The following PLXDC2 variants were observed in gnomAD, a reference collection of about 807,000 sequenced individuals.
PLXDC2 encodes the protein plexin domain containing 2, also known as plexin domain-containing protein 2.
In PLXDC2, 40 loss-of-function variants were observed where a neutral mutation model predicts 68.9. The observed-to-expected ratio is 0.58, with a 90% CI of 0.45 to 0.76. PLXDC2 has a LOEUF of 0.76. PLXDC2 is among the 30% of genes least tolerant of loss of function. The pLI, the probability that PLXDC2 is intolerant of heterozygous loss-of-function variation, is 0.00. For missense variants in PLXDC2, 644 were observed against 661.9 expected, an observed-to-expected ratio of 0.97 and a Z score of 0.30; for synonymous variants, 243 against 234.2, an observed-to-expected ratio of 1.04 and a Z score of -0.34.
intron 1 of PLXDC2, among the ~76,000 whole-genome samples, chr10:19,877,886 T>A (rs979624260): frequency 6.6e-6 from 1 of 152,226 alleles, no homozygotes; most frequent in African/African-American, 2.4e-5. Flanking sequence ...GGGTTTTGCA[T>A]CAATGGAGTA....
At chr10:20,191,367 T>G (rs1834762388) in intron 9 of PLXDC2, among the ~76,000 whole-genome samples, 1 of 151,876 alleles carries the variant, frequency 6.6e-6, no homozygotes, top group South Asian at 2.1e-4. Context: ...GGAAGAACTA[T>G]TCTTATTCTC....
chr10:19,847,729 G>A (rs537765100), intron 1 of PLXDC2, among the ~76,000 whole-genome samples: 1 of 152,268 alleles, frequency 6.6e-6, no homozygotes, highest in African/African-American at 2.4e-5. Flanking sequence ...TCTAAATGGT[G>A]TTGTGGACTA....
At chr10:20,096,152 A>G (rs893861262) in intron 4 of PLXDC2, among the ~76,000 whole-genome samples, 4 of 152,196 alleles carry the variant, frequency 2.6e-5, no homozygotes, top group African/African-American at 7.2e-5. Context: ...AAAGGAGGGC[A>G]CGGTGTGACC....
chr10:20,053,180 A>G (rs1159034916), intron 3 of PLXDC2, among the ~76,000 whole-genome samples: 1 of 152,118 alleles, frequency 6.6e-6, no homozygotes, highest in African/African-American at 2.4e-5. Flanking sequence ...TTATCATCTC[A>G]GCCATAATCA....
intron 1 of PLXDC2, among the ~76,000 whole-genome samples, chr10:19,948,927 C>T (rs1003007161): frequency 4.9e-4 from 74 of 151,810 alleles, no homozygotes; most frequent in African/African-American, 1.5e-3. Flanking sequence ...GTCAAGCGAT[C>T]GAGATCGTCC....
intron 1 of PLXDC2, among the ~76,000 whole-genome samples, chr10:19,992,795 T>C (rs189652909): frequency 2.8e-4 from 43 of 152,328 alleles, no homozygotes; most frequent in Middle Eastern, 3.4e-3. Flanking sequence ...TGATGGGATA[T>C]CCTATTTCTT....
intron 1 of PLXDC2, among the ~76,000 whole-genome samples, chr10:19,944,216 A>G (rs1833864925): frequency 6.6e-6 from 1 of 152,180 alleles, no homozygotes. Context: ...GTATAATCCC[A>G]CTGAGAAGCC....
At chr10:20,020,178 A>ATTTT (rs71388889) in intron 2 of PLXDC2, among the ~76,000 whole-genome samples, 6 of 107,330 alleles carry the variant, frequency 5.6e-5, no homozygotes, top group South Asian at 6.1e-4. Flanking sequence ...CACCCAGCAA[A>ATTTT]TTTTTTTTTT....
chr10:19,969,148 C>T (rs954932529), intron 1 of PLXDC2, among the ~76,000 whole-genome samples: 1 of 152,112 alleles, frequency 6.6e-6, no homozygotes, highest in South Asian at 2.1e-4. Flanking sequence ...CATTTTATTT[C>T]GGCGACACCA....
intron 2 of PLXDC2, among the ~76,000 whole-genome samples, chr10:20,008,457 G>T (rs1429235649): frequency 2.0e-5 from 3 of 152,170 alleles, no homozygotes; most frequent in Non-Finnish European, 2.9e-5. Context: ...AGAGGCTGAG[G>T]CAGGAGAACT....
chr10:20,170,788 C>G (rs866852135), intron 7 of PLXDC2, among the ~76,000 whole-genome samples: 6 of 151,696 alleles, frequency 4.0e-5, no homozygotes, highest in South Asian at 2.1e-4. Flanking sequence ...TCTTAAATAG[C>G]CAGATGTGCC....
At chr10:19,882,833 T>G (rs2131351904) in intron 1 of PLXDC2, among the ~76,000 whole-genome samples, 1 of 152,194 alleles carries the variant, frequency 6.6e-6, no homozygotes, top group East Asian at 1.9e-4. Context: ...CAAGAACAAA[T>G]AAAATGAAAC....
chr10:19,927,752 G>A (rs1411857204), intron 1 of PLXDC2, among the ~76,000 whole-genome samples: 2 of 150,304 alleles, frequency 1.3e-5, no homozygotes, highest in Admixed American at 1.3e-4. Context: ...AGGAATCATG[G>A]GTGGGTATAA....
At chr10:19,871,901 A>G (rs1837545846) in intron 1 of PLXDC2, among the ~76,000 whole-genome samples, 1 of 147,606 alleles carries the variant, frequency 6.8e-6, no homozygotes, top group South Asian at 2.2e-4. Flanking sequence ...AAAAAAAAAC[A>G]CAAAAAACTT....
At chr10:20,264,824 A>G (rs1016206663) in intron 13 of PLXDC2, among the ~76,000 whole-genome samples, 1 of 152,074 alleles carries the variant, frequency 6.6e-6, no homozygotes, top group Non-Finnish European at 1.5e-5. Context: ...AAAGAAAAAA[A>G]CCAAAGCAAA....
At chr10:20,092,718 T>A (rs1833296665) in intron 4 of PLXDC2, among the ~76,000 whole-genome samples, 1 of 151,968 alleles carries the variant, frequency 6.6e-6, no homozygotes, top group African/African-American at 2.4e-5. Flanking sequence ...AAATTAAATA[T>A]CTTGAGGGGA....
At chr10:19,864,832 T>C (rs1043831678) in intron 1 of PLXDC2, among the ~76,000 whole-genome samples, 1 of 152,166 alleles carries the variant, frequency 6.6e-6, no homozygotes, top group Non-Finnish European at 1.5e-5. Flanking sequence ...CACGTCGGGC[T>C]GTAGTTGGAA....
At chr10:19,963,475 G>A (rs1466578990) in intron 1 of PLXDC2, among the ~76,000 whole-genome samples, 1 of 152,144 alleles carries the variant, frequency 6.6e-6, no homozygotes, top group South Asian at 2.1e-4. Flanking sequence ...ATGTGTGCAT[G>A]TCACATATAT....
chr10:20,266,768 T>G (rs1322073760), intron 13 of PLXDC2, among the ~76,000 whole-genome samples: 1 of 152,202 alleles, frequency 6.6e-6, no homozygotes, highest in African/African-American at 2.4e-5. Flanking sequence ...ATCATCTTAT[T>G]CTTGGTGAAT....
Sources: gnomAD v4.1 joint callset for allele counts (sites outside exome capture counted in the v4.1 genomes callset) on GRCh38, gnomAD v4.1.1 for gene constraint, MANE v1.5 for transcripts, NCBI Gene and HGNC (gene_info 2026-07-23, HGNC 2026-07-21) for gene names.